The following KCNH1 variants were observed in gnomAD, a reference collection of about 807,000 sequenced individuals.
KCNH1 encodes the protein potassium voltage-gated channel subfamily H member 1, also known as voltage-gated delayed rectifier potassium channel KCNH1.
KCNH1 carries 27 observed loss-of-function variants against 69.2 expected under a neutral mutation model. The observed-to-expected ratio is 0.39, with a 90% CI of 0.29 to 0.54. The LOEUF is 0.54. KCNH1 is among the 20% of genes least tolerant of loss of function. The pLI is 0.68. For synonymous variants in KCNH1, 456 were observed against 487.7 expected, an observed-to-expected ratio of 0.93 and a Z score of 0.86; for missense variants, 798 against 1,261.6, an observed-to-expected ratio of 0.63 and a Z score of 5.57.
intron 5 of KCNH1, among the ~76,000 whole-genome samples, chr1:211,024,255 G>A (rs113511133): frequency 2.1e-4 from 32 of 152,146 alleles, no homozygotes; most frequent in African/African-American, 7.0e-4. Flanking sequence ...GCAGAACACT[G>A]TGATTTGATA....
At chr1:211,104,678 C>G (rs1691321875) in intron 2 of KCNH1, among the ~76,000 whole-genome samples, 1 of 152,170 alleles carries the variant, frequency 6.6e-6, no homozygotes, top group Admixed American at 6.6e-5. Flanking sequence ...CTGACAAAGG[C>G]TGCCCACGGG....
intron 1 of KCNH1, among the ~76,000 whole-genome samples, chr1:211,124,372 CT>C (rs1691741307): frequency 1.3e-5 from 2 of 152,162 alleles, no homozygotes; most frequent in African/African-American, 4.8e-5. Flanking sequence ...TAAGAAACCA[CT>C]TTTGGCTCAT....
chr1:211,001,487 T>A (rs1689178007), intron 6 of KCNH1, among the ~76,000 whole-genome samples: 1 of 152,142 alleles, frequency 6.6e-6, no homozygotes, highest in African/African-American at 2.4e-5. Context: ...CCAGTTAGAA[T>A]GGCGATCATT....
intron 1 of KCNH1, among the ~76,000 whole-genome samples, chr1:211,117,139 C>T (rs1691597398): frequency 6.6e-6 from 1 of 152,208 alleles, no homozygotes; most frequent in Non-Finnish European, 1.5e-5. Context: ...TTTTAGAACA[C>T]TGCTGATGCT....
At chr1:210,944,521 G>A (rs955953333) in intron 6 of KCNH1, among the ~76,000 whole-genome samples, 2 of 152,106 alleles carry the variant, frequency 1.3e-5, no homozygotes, top group East Asian at 1.9e-4. Context: ...AGGGGTTCTG[G>A]GACCACAGAA....
intron 6 of KCNH1, among the ~76,000 whole-genome samples, chr1:211,002,831 A>G (rs965205151): frequency 1.3e-5 from 2 of 152,190 alleles, no homozygotes; most frequent in Admixed American, 6.5e-5. Context: ...CAGGGGATAG[A>G]GTGCAAAGAG....
At chr1:211,050,153 T>C (rs950191360) in intron 5 of KCNH1, among the ~76,000 whole-genome samples, 24 of 151,374 alleles carry the variant, frequency 1.6e-4, no homozygotes, top group Admixed American at 2.6e-4. Context: ...CCAGCACCTA[T>C]ATGTGTGTTT....
chr1:210,975,860 G>T (rs571752134), intron 6 of KCNH1, among the ~76,000 whole-genome samples: 4 of 152,242 alleles, frequency 2.6e-5, no homozygotes, highest in East Asian at 3.9e-4. Flanking sequence ...ATCTGACAAA[G>T]GGCTAATATC....
chr1:210,778,148 G>T (rs1042864445), intron 9 of KCNH1, among the ~76,000 whole-genome samples: 1 of 152,152 alleles, frequency 6.6e-6, no homozygotes, highest in Non-Finnish European at 1.5e-5. Context: ...GATGACTATA[G>T]CCCCAGTCAA....
chr1:210,965,754 C>T (rs1421634755), intron 6 of KCNH1, among the ~76,000 whole-genome samples: 3 of 152,152 alleles, frequency 2.0e-5, no homozygotes, highest in Non-Finnish European at 2.9e-5. Flanking sequence ...AATTGAAAAA[C>T]ATTCCATGCT....
chr1:210,886,479 T>C (rs542573707), intron 7 of KCNH1, among the ~76,000 whole-genome samples: 2 of 152,190 alleles, frequency 1.3e-5, no homozygotes, highest in Admixed American at 6.5e-5. Context: ...AAAACCAGAA[T>C]GCTTCTTCTC....
In KCNH1 at chr1:210,919,572, G is replaced by T; in HGVS notation, c.1462+68C>A. On this transcript the variant is annotated intron_variant, in intron 7 of 10. Coordinates refer to ENST00000271751, the MANE Select transcript of KCNH1 (RefSeq NM_172362.3). This position sits in a 1 kb window ranked among gnomAD's most constrained non-coding sequence, Gnocchi z 4.2. ...TTATTCTCCTGATCCTGCTGGCACT[G>T]TAGCCATTTCCCTGTTTCCAGCTAA... The T allele has an allele frequency of 7.2e-7, 1 of 1,381,730 alleles. No homozygotes were observed. Among genetic ancestry groups the T allele is most frequent in the South Asian group, 1.3e-5 (1 of 78,594 alleles). The allele number at this position is 1,381,730 out of a possible 1,614,324, so 85.6% of individuals were successfully genotyped here. A position where few individuals can be genotyped will look rare whatever the true frequency, so the allele number is the denominator to read the frequency against.
intron 6 of KCNH1, among the ~76,000 whole-genome samples, chr1:210,973,963 A>T (rs1402093447): frequency 3.9e-5 from 6 of 152,104 alleles, no homozygotes; most frequent in Non-Finnish European, 7.4e-5. Flanking sequence ...TTTTCTTGCC[A>T]TCTATTACTG....
intron 7 of KCNH1, among the ~76,000 whole-genome samples, chr1:210,845,821 T>C (rs1378303355): frequency 6.6e-6 from 1 of 152,198 alleles, no homozygotes; most frequent in Non-Finnish European, 1.5e-5. Flanking sequence ...ATTGTATATC[T>C]AGAAAACCCC....
chr1:211,053,511 C>T (rs1166114504), intron 5 of KCNH1, among the ~76,000 whole-genome samples: 1 of 152,154 alleles, frequency 6.6e-6, no homozygotes, highest in Non-Finnish European at 1.5e-5. Flanking sequence ...AACAGAAAAT[C>T]TCTATTCCAT....
At chr1:210,854,932 G>C (rs1257171762) in intron 7 of KCNH1, among the ~76,000 whole-genome samples, 1 of 152,188 alleles carries the variant, frequency 6.6e-6, no homozygotes, top group Non-Finnish European at 1.5e-5. Context: ...CAACCCCTGG[G>C]CTGGGAAGTA....
chr1:210,788,885 ACGGGGT>A (rs1684160494), intron 9 of KCNH1, among the ~76,000 whole-genome samples: 1 of 147,660 alleles, frequency 6.8e-6, no homozygotes, highest in African/African-American at 2.6e-5. Context: ...TTTAGTAGAG[ACGGGGT>A]TTCACCGTTT....
chr1:210,685,876 T>G (rs997594317), intron 10 of KCNH1, among the ~76,000 whole-genome samples: 3 of 152,208 alleles, frequency 2.0e-5, no homozygotes, highest in African/African-American at 7.2e-5. Context: ...ATGCTAGGAA[T>G]CCATCAGCAA....
intron 6 of KCNH1, among the ~76,000 whole-genome samples, chr1:210,989,757 G>A (rs1480296241): frequency 1.3e-5 from 2 of 152,154 alleles, no homozygotes; most frequent in African/African-American, 4.8e-5. Flanking sequence ...AGATACCTGT[G>A]CCTAGAGAGA....
Sources: allele counts gnomAD v4.1 joint callset (sites outside exome capture counted in the v4.1 genomes callset), GRCh38; gene constraint gnomAD v4.1.1; non-coding constraint Gnocchi (gnomAD v3.1); transcripts MANE v1.5; gene names NCBI Gene and HGNC (gene_info 2026-07-23, HGNC 2026-07-21).